PRR16: variants seen among roughly 807,000 people sequenced by gnomAD.
PRR16 encodes proline rich 16.
A neutral mutation model predicts 18.2 loss-of-function variants in PRR16; 6 were observed. The ratio of observed to expected loss-of-function variants is 0.33; its 90% CI spans 0.18 to 0.65. PRR16 has a LOEUF of 0.65. Ranked by LOEUF, PRR16 falls within the 30% of genes least tolerant of loss-of-function variation. The probability of loss-of-function intolerance (pLI) is 0.74; values close to 1 mark genes in which losing one functional copy is unlikely to be tolerated. For synonymous variants in PRR16, 151 were observed against 147.8 expected, an observed-to-expected ratio of 1.02 and a Z score of -0.16; for missense variants, 412 against 376.6, an observed-to-expected ratio of 1.09 and a Z score of -0.78.
intron 1 of PRR16, among the ~76,000 whole-genome samples, chr5:120,609,765 A>G (rs1328684048): frequency 2.0e-5 from 3 of 152,212 alleles, no homozygotes; most frequent in African/African-American, 7.2e-5. Context: ...CTGTCTGGAA[A>G]TTGTTACTCC....
chr5:120,745,573 A>T, the PRR16 span, among the ~76,000 whole-genome samples: 39 of 151,322 alleles, frequency 2.6e-4, 1 homozygote, highest in Non-Finnish European at 1.0e-4. Context: ...AACAACAAAT[A>T]CTGTCTTTCT....
chr5:120,668,542 C>T (rs1234964292), intron 1 of PRR16, among the ~76,000 whole-genome samples: 2 of 152,058 alleles, frequency 1.3e-5, no homozygotes, highest in Non-Finnish European at 2.9e-5. Context: ...GGAGTTTCTT[C>T]CTAGTCTTGA....
intron 1 of PRR16, among the ~76,000 whole-genome samples, chr5:120,471,705 T>C (rs929963584): frequency 4.6e-5 from 7 of 152,164 alleles, no homozygotes. Flanking sequence ...ATAGAAATGT[T>C]TTTATTGTAT....
chr5:120,573,504 T>C (rs1400573211), intron 1 of PRR16, among the ~76,000 whole-genome samples: 2 of 151,744 alleles, frequency 1.3e-5, no homozygotes, highest in East Asian at 3.9e-4. Context: ...AATTTTATTG[T>C]GGCAATGCTG....
rs530346349 is a variant in PRR16 at position 120,603,802 on chromosome 5, C to CT, written c.160-82145dup. Among the ~76,000 whole-genome samples, 1,478 of 151,856 alleles carry CT rather than the reference C, an allele frequency of 9.7e-3. 14 individuals carry two copies. Among genetic ancestry groups the CT allele is most frequent in the Non-Finnish European group, 0.014 (928 of 67,858 alleles). The stretch of plus-strand genomic sequence containing the variant: ...ATAATTTTTATTTCTGTCTTAATTA[C>CT]TTTTTTTCACAAAAGTAGTTCAGGA... On this transcript the variant is annotated intron_variant, in intron 1 of 1. Transcript: ENST00000407149.
intron 1 of PRR16, among the ~76,000 whole-genome samples, chr5:120,571,170 C>T (rs1025297100): frequency 6.6e-6 from 1 of 152,112 alleles, no homozygotes; most frequent in Non-Finnish European, 1.5e-5. Flanking sequence ...AAAACTAATA[C>T]ACAAACAGAG....
At chr5:120,488,256 C>T (rs767642712) in intron 1 of PRR16, among the ~76,000 whole-genome samples, 3 of 152,082 alleles carry the variant, frequency 2.0e-5, no homozygotes, top group Non-Finnish European at 4.4e-5. Flanking sequence ...TGGTAGAATT[C>T]GGCTGTGAAT....
chr5:120,489,370 C>G (rs951750682), intron 1 of PRR16, among the ~76,000 whole-genome samples: 1 of 152,120 alleles, frequency 6.6e-6, no homozygotes, highest in Non-Finnish European at 1.5e-5. Context: ...GGATAGTTAG[C>G]TCTTCTTGTT....
chr5:120,674,803 T>A (rs73259913), intron 1 of PRR16, among the ~76,000 whole-genome samples: 45,027 of 151,672 alleles, frequency 0.3, 7,085 homozygotes, highest in Middle Eastern at 0.41. Flanking sequence ...GTCTTTTAAC[T>A]TTTTTCTTGT....
At chr5:120,756,647 T>C in the PRR16 span, among the ~76,000 whole-genome samples, 1 of 152,104 alleles carries the variant, frequency 6.6e-6, no homozygotes, top group African/African-American at 2.4e-5. Context: ...GGATTGACTT[T>C]TGCTTAATTG....
At position 120,466,328 on chromosome 5, in the gene PRR16, G is replaced by A. The variant is rs1170774062; in HGVS notation, c.159+1683G>A. On this transcript the variant is annotated intron_variant, in intron 1 of 1. Transcript: ENST00000407149. ...AAATGAAATTGGGCATGTTCCTTTC[G>A]GCAGAATTGTGCTTAATAGTTGGTG... is the stretch of plus-strand genomic sequence containing the variant. Among the ~76,000 whole-genome samples the A allele has an allele frequency of 2.0e-5, 3 of 152,050 alleles. No homozygotes were observed. The East Asian group carries it at 5.8e-4, about 29-fold the overall frequency.
intron 1 of PRR16, among the ~76,000 whole-genome samples, chr5:120,487,973 C>A (rs929988376): frequency 5.9e-5 from 9 of 152,266 alleles, no homozygotes; most frequent in Middle Eastern, 6.8e-3. Flanking sequence ...TATGTTGAAC[C>A]AGCCTTGCAT....
chr5:120,507,940 C>T (rs1401689776), intron 1 of PRR16, among the ~76,000 whole-genome samples: 1 of 152,084 alleles, frequency 6.6e-6, no homozygotes, highest in Non-Finnish European at 1.5e-5. Context: ...TACTTGCCTA[C>T]CCACTATTTA....
chr5:120,635,120 A>AT (rs1324176772), intron 1 of PRR16, among the ~76,000 whole-genome samples: 1 of 152,120 alleles, frequency 6.6e-6, no homozygotes, highest in East Asian at 1.9e-4. Context: ...TGAAATGGTA[A>AT]TTAAAAATTT....
At chr5:120,499,731 C>T (rs1319351624) in intron 1 of PRR16, among the ~76,000 whole-genome samples, 1 of 151,064 alleles carries the variant, frequency 6.6e-6, no homozygotes, top group Non-Finnish European at 1.5e-5. Flanking sequence ...ACCTTTGACA[C>T]CTCTGTCATC....
At chr5:120,738,527 A>G in the PRR16 span, among the ~76,000 whole-genome samples, 444 of 152,296 alleles carry the variant, frequency 2.9e-3, 3 homozygotes, top group African/African-American at 0.01. Context: ...CTTTAATAAC[A>G]TCATCATTAT....
the PRR16 span, among the ~76,000 whole-genome samples, chr5:120,775,718 C>T: frequency 2.5e-4 from 38 of 151,066 alleles, no homozygotes; most frequent in African/African-American, 9.0e-4. Context: ...GCAACCTCCA[C>T]CTCTCAGGCT....
intron 1 of PRR16, among the ~76,000 whole-genome samples, chr5:120,508,786 A>G (rs1047033129): frequency 6.6e-6 from 1 of 152,142 alleles, no homozygotes; most frequent in African/African-American, 2.4e-5. Context: ...TTTAAGGACA[A>G]TAGCTATCAT....
chr5:120,765,078 A>G, the PRR16 span, among the ~76,000 whole-genome samples: 26 of 151,036 alleles, frequency 1.7e-4, no homozygotes, highest in African/African-American at 5.9e-4. Flanking sequence ...TGACATATTT[A>G]TTTTGATTTC....
Sources: allele counts gnomAD v4.1 joint callset (sites outside exome capture counted in the v4.1 genomes callset), GRCh38; gene constraint gnomAD v4.1.1; transcripts MANE v1.5; gene names NCBI Gene and HGNC (gene_info 2026-07-23, HGNC 2026-07-21).